SBF2: variants seen among roughly 807,000 people sequenced by gnomAD.
The protein encoded by SBF2 is SET binding factor 2.
SBF2 carries 112 observed loss-of-function variants against 225.2 expected under a neutral mutation model. The observed-to-expected ratio is 0.50, with a 90% CI of 0.43 to 0.58. SBF2 has a LOEUF of 0.58. SBF2 is among the 20% of genes least tolerant of loss of function. SBF2 has a pLI of 0.00. For missense variants in SBF2, 1,996 were observed against 2,206.2 expected (o/e 0.90, Z 1.91); for synonymous variants, 763 against 773.3 (o/e 0.99, Z 0.22).
intron 16 of SBF2, among the ~76,000 whole-genome samples, chr11:9,934,374 G>T (rs7129288): frequency 6.6e-6 from 1 of 151,946 alleles, no homozygotes; most frequent in Non-Finnish European, 1.5e-5. Flanking sequence ...TTCTACCAGA[G>T]GTACAAAGAG....
At chr11:10,038,650 T>C (rs765000033) in intron 3 of SBF2, among the ~76,000 whole-genome samples, 5 of 151,952 alleles carry the variant, frequency 3.3e-5, no homozygotes, top group Non-Finnish European at 7.4e-5. Context: ...CCCACTGTGA[T>C]GGAGAAACGT....
At chr11:10,240,663 CAGT>C (rs1959195974) in intron 1 of SBF2, among the ~76,000 whole-genome samples, 1 of 152,082 alleles carries the variant, frequency 6.6e-6, no homozygotes, top group Non-Finnish European at 1.5e-5. Context: ...AAAATTGGAG[CAGT>C]AGAATTATAT....
chr11:10,020,226 G>C (rs571339980), intron 6 of SBF2, among the ~76,000 whole-genome samples: 1 of 152,212 alleles, frequency 6.6e-6, no homozygotes, highest in East Asian at 1.9e-4. Flanking sequence ...AGCTCACGCA[G>C]GTGCAGTAAG....
chr11:10,134,094 G>A (rs1005021250), intron 2 of SBF2, among the ~76,000 whole-genome samples: 4 of 152,226 alleles, frequency 2.6e-5, no homozygotes, highest in African/African-American at 4.8e-5. Context: ...TGTGGCTGGG[G>A]AGGCCTCACA....
chr11:10,298,421 G>C (rs1369975725), upstream of SBF2, among the ~76,000 whole-genome samples: 1 of 152,180 alleles, frequency 6.6e-6, no homozygotes, highest in Non-Finnish European at 1.5e-5. Flanking sequence ...TTTTAAAAAA[G>C]ACAAAATAGA....
chr11:10,273,787 G>C (rs1351809217), intron 1 of SBF2, among the ~76,000 whole-genome samples: 2 of 152,170 alleles, frequency 1.3e-5, no homozygotes, highest in Non-Finnish European at 2.9e-5. Context: ...ACAGACATTT[G>C]GATGGAAAAC....
intron 1 of SBF2, among the ~76,000 whole-genome samples, chr11:10,239,216 A>G (rs2135456433): frequency 6.6e-6 from 1 of 150,834 alleles, no homozygotes; most frequent in East Asian, 1.9e-4. Context: ...TTTTACCAAA[A>G]TTCAATTTGT....
At chr11:10,152,589 T>A (rs1395623693) in intron 2 of SBF2, among the ~76,000 whole-genome samples, 1 of 151,774 alleles carries the variant, frequency 6.6e-6, no homozygotes, top group Non-Finnish European at 1.5e-5. Context: ...AAGTACCCCA[T>A]ATATTGTCCT....
intron 2 of SBF2, among the ~76,000 whole-genome samples, chr11:10,121,519 T>G (rs1394151111): frequency 6.6e-6 from 1 of 152,218 alleles, no homozygotes; most frequent in Non-Finnish European, 1.5e-5. Context: ...GATAAAGCCT[T>G]AAGACTTAGC....
At chr11:10,291,814 C>T (rs937975700) in intron 1 of SBF2, among the ~76,000 whole-genome samples, 8 of 152,128 alleles carry the variant, frequency 5.3e-5, no homozygotes, top group South Asian at 2.1e-4. Context: ...GGAGAAGCCT[C>T]GCAGATATTA....
intron 16 of SBF2, among the ~76,000 whole-genome samples, chr11:9,896,956 C>T (rs1333813964): frequency 6.6e-6 from 1 of 152,052 alleles, no homozygotes; most frequent in African/African-American, 2.4e-5. Flanking sequence ...TATAGCGATT[C>T]CACACATGCA....
chr11:9,888,690 A>C (rs1482984169), intron 17 of SBF2, among the ~76,000 whole-genome samples: 3 of 152,182 alleles, frequency 2.0e-5, no homozygotes, highest in Non-Finnish European at 4.4e-5. Context: ...TCAACTCAGT[A>C]TCTCTAAGCA....
intron 16 of SBF2, among the ~76,000 whole-genome samples, chr11:9,915,268 GAAACCCTATCTCTACTAAAAATACAA>G (rs1431006111): frequency 6.6e-6 from 1 of 152,080 alleles, no homozygotes; most frequent in Admixed American, 6.6e-5. Flanking sequence ...CCACCATGGT[GAAACCCTATCTCTACTAAAAATACAA>G]AAATTAGCTG....
intron 2 of SBF2, among the ~76,000 whole-genome samples, chr11:10,145,762 A>G (rs1004114848): frequency 6.6e-6 from 1 of 152,100 alleles, no homozygotes; most frequent in African/African-American, 2.4e-5. Context: ...CATTTTTTCA[A>G]TATTTATTCT....
chr11:10,290,001 G>A (rs1213472899), intron 1 of SBF2, among the ~76,000 whole-genome samples: 2 of 152,162 alleles, frequency 1.3e-5, no homozygotes, highest in African/African-American at 2.4e-5. Context: ...TCCCATAGCC[G>A]CTCCTGACAC....
chr11:10,001,670 G>A (rs758555966), intron 7 of SBF2, among the ~76,000 whole-genome samples: 6 of 152,000 alleles, frequency 3.9e-5, no homozygotes, highest in South Asian at 2.1e-4. Context: ...GACTACAGGC[G>A]CCTGCCACCA....
chr11:9,784,086 G>C (rs1467364516), intron 38 of SBF2, among the ~76,000 whole-genome samples: 3 of 152,122 alleles, frequency 2.0e-5, no homozygotes, highest in Admixed American at 6.6e-5. Context: ...TAAAAAAAGA[G>C]TTCTATTGCT....
intron 33 of SBF2, among the ~76,000 whole-genome samples, chr11:9,791,438 A>AG (rs1852734256): frequency 6.6e-6 from 1 of 150,740 alleles, no homozygotes; most frequent in Non-Finnish European, 1.5e-5. Context: ...AAAAAAAAAA[A>AG]AAGACTCAAG....
intron 2 of SBF2, among the ~76,000 whole-genome samples, chr11:10,116,002 TAAAAAAATAC>T: frequency 6.6e-6 from 1 of 151,778 alleles, no homozygotes; most frequent in Non-Finnish European, 1.5e-5. Flanking sequence ...CCATCTCTAC[TAAAAAAATAC>T]AAAAAAATTA....
Sources: allele counts gnomAD v4.1 joint callset (sites outside exome capture counted in the v4.1 genomes callset), GRCh38; gene constraint gnomAD v4.1.1; transcripts MANE v1.5; gene names NCBI Gene and HGNC (gene_info 2026-07-23, HGNC 2026-07-21).